SCN8A: variants seen among roughly 807,000 people sequenced by gnomAD.
SCN8A encodes sodium channel protein type 8 subunit alpha.
In SCN8A, 30 loss-of-function variants were observed where a neutral mutation model predicts 184.1. The observed-to-expected ratio is 0.16, with a 90% CI of 0.12 to 0.22. The LOEUF (loss-of-function observed/expected upper bound fraction) is 0.22. Among genes scored for constraint, SCN8A ranks in the 10% least tolerant of loss-of-function variants. The pLI is 1.00. For synonymous variants in SCN8A, 852 were observed against 907.0 expected, an observed-to-expected ratio of 0.94 and a Z score of 1.09; for missense variants, 1,057 against 2,498.9, an observed-to-expected ratio of 0.42 and a Z score of 12.30.
At chr12:51,695,521 A>G (rs1216752754) in intron 6 of SCN8A, among the ~76,000 whole-genome samples, 2 of 152,208 alleles carry the variant, frequency 1.3e-5, no homozygotes, top group Admixed American at 6.5e-5. Context: ...AGCAGGACAC[A>G]GGAATAATTC....
chr12:51,783,761 A>C (rs1426766950), intron 21 of SCN8A, among the ~76,000 whole-genome samples: 1 of 152,246 alleles, frequency 6.6e-6, no homozygotes, highest in East Asian at 1.9e-4. Context: ...ATTAAAAGCC[A>C]GCTGACAGAT....
At chr12:51,616,587 G>A (rs1592330907) in intron 1 of SCN8A, among the ~76,000 whole-genome samples, 1 of 151,740 alleles carries the variant, frequency 6.6e-6, no homozygotes, top group East Asian at 1.9e-4. Context: ...CCCCAGCCTG[G>A]GCAACAGAGT....
chr12:51,612,825 G>A lies in SCN8A; in HGVS notation c.-55+21466G>A, dbSNP rs141899184. Among the ~76,000 whole-genome samples the A allele has an allele frequency of 8.3e-3, 1,267 of 152,140 alleles. 4 individuals carry two copies. Among genetic ancestry groups the A allele is most frequent in the Middle Eastern group, 0.014 (4 of 294 alleles). ...CAACCTCCGCCTTCTGGGTTCAAGT[G>A]ATTCTCCTGCCTCAGCCTCCCGAGT... On this transcript the variant is annotated intron_variant, in intron 1 of 26. Coordinates refer to ENST00000627620, the MANE Select transcript of SCN8A (RefSeq NM_001330260.2).
At chr12:51,791,878 A>G (rs1453571389) in intron 25 of SCN8A, among the ~76,000 whole-genome samples, 1 of 152,188 alleles carries the variant, frequency 6.6e-6, no homozygotes, top group African/African-American at 2.4e-5. Flanking sequence ...ACCCTGTCTC[A>G]AAAAATACAA....
intron 13 of SCN8A, among the ~76,000 whole-genome samples, chr12:51,749,326 G>A (rs1433841939): frequency 6.6e-6 from 1 of 152,126 alleles, no homozygotes; most frequent in African/African-American, 2.4e-5. Flanking sequence ...TTTGCTGTGT[G>A]GCAAGACTCA....
intron 1 of SCN8A, among the ~76,000 whole-genome samples, chr12:51,642,222 T>G (rs1291805780): frequency 6.6e-6 from 1 of 152,210 alleles, no homozygotes; most frequent in East Asian, 1.9e-4. Flanking sequence ...AAGAAAGGAA[T>G]GATCTCTTCT....
intron 1 of SCN8A, 112 bp from the exon 2 acceptor site, chr12:51,662,652 A>C: frequency 1.5e-6 from 1 of 652,916 alleles, no homozygotes; most frequent in Non-Finnish European, 2.6e-6. Flanking sequence ...GGAAGAAACT[A>C]TGTGTTTTTT....
intron 5 of SCN8A, chr12:51,688,707 A>G (rs1941458931): frequency 7.4e-7 from 1 of 1,354,140 alleles, no homozygotes; most frequent in Non-Finnish European, 1.1e-6. Context: ...CCCATTCTCA[A>G]ACCCTCGCCC....
chr12:51,673,668 C>T (rs540915026), intron 2 of SCN8A, among the ~76,000 whole-genome samples: 8 of 152,276 alleles, frequency 5.3e-5, no homozygotes, highest in Middle Eastern at 3.4e-3. Flanking sequence ...GAACTGTCTA[C>T]CTTGTGCCAG....
chr12:51,597,614 A>G (rs1412321919), intron 1 of SCN8A, among the ~76,000 whole-genome samples: 2 of 152,186 alleles, frequency 1.3e-5, no homozygotes, highest in Non-Finnish European at 2.9e-5. Flanking sequence ...ATAATGATTG[A>G]TAAAGGAAGA....
intron 12 of SCN8A, among the ~76,000 whole-genome samples, chr12:51,734,808 A>C (rs545106919): frequency 6.6e-6 from 1 of 152,244 alleles, no homozygotes; most frequent in Admixed American, 6.5e-5. Flanking sequence ...TCTGCAGACT[A>C]TACAAAGAAA....
At chr12:51,631,558 G>A (rs758518039) in intron 1 of SCN8A, among the ~76,000 whole-genome samples, 2 of 152,218 alleles carry the variant, frequency 1.3e-5, no homozygotes, top group African/African-American at 4.8e-5. Flanking sequence ...TAGCAAGAAA[G>A]CAACATCTGT....
At chr12:51,625,427 C>T (rs541699516) in intron 1 of SCN8A, among the ~76,000 whole-genome samples, 81 of 152,302 alleles carry the variant, frequency 5.3e-4, no homozygotes, top group African/African-American at 1.8e-3. Context: ...TGTCAAAAGA[C>T]GTTGTTGCTT....
At chr12:51,685,957 C>CA (rs1223730392) in intron 3 of SCN8A, among the ~76,000 whole-genome samples, 2 of 152,098 alleles carry the variant, frequency 1.3e-5, no homozygotes, top group Non-Finnish European at 2.9e-5. Context: ...ATTAACTTAC[C>CA]AATAAATGAA....
intron 1 of SCN8A, among the ~76,000 whole-genome samples, chr12:51,605,411 G>T (rs1939567239): frequency 6.6e-6 from 1 of 152,176 alleles, no homozygotes; most frequent in Non-Finnish European, 1.5e-5. Flanking sequence ...CTAGGTCATT[G>T]CAAATGCCGT....
intron 1 of SCN8A, among the ~76,000 whole-genome samples, chr12:51,602,107 T>G (rs1945975046): frequency 1.3e-5 from 2 of 152,088 alleles, no homozygotes; most frequent in Admixed American, 1.3e-4. Context: ...AAAGAACTGT[T>G]ATTTGTGGGA....
chr12:51,649,747 G>A (rs961109100), intron 1 of SCN8A, among the ~76,000 whole-genome samples: 1 of 152,220 alleles, frequency 6.6e-6, no homozygotes, highest in Admixed American at 6.5e-5. Context: ...CTCTGGGCCT[G>A]TGATGGGAGG....
chr12:51,721,411 TG>T, intron 11 of SCN8A, 134 bp from the exon 12 acceptor site: 1 of 906,202 alleles, frequency 1.1e-6, no homozygotes, highest in Non-Finnish European at 1.6e-6. Flanking sequence ...AAGTGCTTTC[TG>T]GAAACACTTG....
At position 51,733,232 on chromosome 12, in the gene SCN8A, A is replaced by G. The variant is rs181843450; in HGVS notation, c.1998+11324A>G. 3.3e-5 allele frequency among the ~76,000 whole-genome samples: 5 copies of G among 152,272 alleles called. No homozygotes were observed. In the East Asian group the frequency reaches 7.7e-4, roughly 23 times the overall value. On this transcript the variant is annotated intron_variant, in intron 12 of 26. Transcript: ENST00000627620. ...TATTATATTGAAGTATGGTCCTTCAATACCTAGTTTTTTGAGGGTTTTTAA... is the reference window on the plus strand; with the variant it reads ...TATTATATTGAAGTATGGTCCTTCAGTACCTAGTTTTTTGAGGGTTTTTAA...
Sources: allele counts gnomAD v4.1 joint callset (sites outside exome capture counted in the v4.1 genomes callset), GRCh38; gene constraint gnomAD v4.1.1; transcripts MANE v1.5; gene names NCBI Gene and HGNC (gene_info 2026-07-23, HGNC 2026-07-21).